Variants in TBL2 observed in about 807,000 individuals in gnomAD.
The protein encoded by TBL2 is transducin beta like 2, also known as transducin beta-like protein 2.
In TBL2, 33 loss-of-function variants were observed where a neutral mutation model predicts 41.8. The ratio of observed to expected loss-of-function variants is 0.79; its 90% CI spans 0.60 to 1.06. The LOEUF (loss-of-function observed/expected upper bound fraction) is 1.06. Among genes scored for constraint, TBL2 ranks in the 50% least tolerant of loss-of-function variants. The pLI is 0.00. For missense variants in TBL2, 522 were observed against 603.8 expected (o/e 0.86, Z 1.42); for synonymous variants, 239 against 241.7 (o/e 0.99, Z 0.10).
chr7:73,571,685 G>A (rs781943740), intron 5 of TBL2: 2 of 267,558 alleles, frequency 7.5e-6, no homozygotes, highest in Non-Finnish European at 7.4e-6. Context: ...GAACCTGGTA[G>A]GTGGAGGTTG....
At position 73,572,910 on chromosome 7, in the gene TBL2, T is replaced by C. The variant is rs1793056201; in HGVS notation, c.659A>G (p.Gln220Arg). Reference protein sequence around the residue: ...TTVLIWSLKGQVLSTINTNQM... With the variant: ...TTVLIWSLKGRVLSTINTNQM... ...GTTGGTGTTGATGGTAGACAGCACT[T>C]GACCCTTCAGGCTCCAGATGAGGAC... The change falls in exon 5 of 7, where the codon CAA becomes CGA. Residue 220 changes from glutamine (Q) to arginine (R), a missense_variant. Transcript: ENST00000305632. 1 of 1,614,046 alleles carries C rather than the reference T, an allele frequency of 6.2e-7. No individual in the cohort carries two copies. Among genetic ancestry groups the C allele is most frequent in the Non-Finnish European group, 8.5e-7 (1 of 1,180,036 alleles).
chr7:73,570,599 G>A lies in TBL2; in HGVS notation c.1252C>T (p.Arg418Trp), dbSNP rs374301480. ...TGGCGGGTGCTCTCGTTGGAGGCCC[G>A]CTTCAGGTGGCCCTGCATCTCCTCC... Reference protein sequence around the residue: ...MVEEMQGHLKRASNESTRQRL... With the variant: ...MVEEMQGHLKWASNESTRQRL... The change falls in exon 7 of 7, where the codon CGG (arginine) becomes TGG (tryptophan). Residue 418 changes from arginine (R) to tryptophan (W), a missense_variant. By Grantham distance (101) the Arg-to-Trp change is moderately radical. Transcript: ENST00000305632. The A allele has an allele frequency of 4.3e-5, 70 of 1,612,526 alleles. No individual in the cohort carries two copies. The highest frequency in any genetic ancestry group is 2.3e-4 in the African/African-American group (17 of 74,908).
intron 1 of TBL2, among the ~76,000 whole-genome samples, chr7:73,577,457 C>G (rs1487975270): frequency 6.6e-6 from 1 of 152,054 alleles, no homozygotes; most frequent in East Asian, 1.9e-4. Context: ...GCCTGTAGTC[C>G]CAGCTACTCG....
At chr7:73,576,492 G>A in intron 1 of TBL2, 1 of 397,120 alleles carries the variant, frequency 2.5e-6, no homozygotes. Flanking sequence ...CTTGAACCCA[G>A]GAGGTAGAGG....
rs556409016 is a variant in TBL2 at position 73,570,461 on chromosome 7, G to A, written c.*46C>T. On this transcript the variant is annotated 3_prime_UTR_variant, in exon 7 of 7. Transcript: ENST00000305632. ...AAAGATGGCAGCAGTGCCATGAGGA[G>A]GCCAGATCCCTCCTCCTCAATCCTC... 1 of 1,449,412 alleles carries A rather than the reference G, an allele frequency of 6.9e-7. No homozygotes were observed. Among genetic ancestry groups the A allele is most frequent in the African/African-American group, 1.4e-5 (1 of 70,048 alleles). The allele number at this position is 1,449,412 out of a possible 1,614,324, so 89.8% of individuals were successfully genotyped here.
chr7:73,578,052 G>A, intron 1 of TBL2: 1 of 545,264 alleles, frequency 1.8e-6, no homozygotes, highest in South Asian at 2.5e-5. Flanking sequence ...CCTATCACAG[G>A]GTCATAGATG....
At position 73,573,601 on chromosome 7, in the gene TBL2, C is replaced by G. The variant is rs113894293; in HGVS notation, c.447-130G>C. ...CCACAGTCTAGCCTTAAAACTTAAG[C>G]CCCTGGTTCCAAATCTCATAAAACT... On this transcript the variant is annotated intron_variant, in intron 3 of 6. Transcript: ENST00000305632. 7,390 of 1,241,072 alleles carry G rather than the reference C, an allele frequency of 6.0e-3. 334 individuals are homozygous for G. In the African/African-American group the frequency reaches 0.095, roughly 16 times the overall value. 76.9% of individuals were successfully genotyped at this position (1,241,072 alleles called of 1,614,324 possible).
Position 73,578,408 on chromosome 7 carries a change from G to A in TBL2, c.130+12C>T, listed in dbSNP as rs1453748787. 35 of 1,524,126 alleles carry A rather than the reference G, an allele frequency of 2.3e-5. 1 individual carries two copies. The East Asian group carries it at 8.5e-4, about 37-fold the overall frequency. The allele number at this position is 1,524,126 out of a possible 1,614,324, so 94.4% of individuals were successfully genotyped here. On this transcript the variant is annotated intron_variant, in intron 1 of 6. Coordinates refer to ENST00000305632, the MANE Select transcript of TBL2 (RefSeq NM_012453.4). ...ACCGCGGGCCGCCCCCACCCGACCC[G>A]GCCCCACTTACAGGCGGGCCGGCCG...
rs1025751572 is a variant in TBL2, at chr7:73,568,636, G to A, written c.*1871C>T. Among the ~76,000 whole-genome samples, 1 of 152,272 alleles carries A rather than the reference G, an allele frequency of 6.6e-6. No homozygotes were observed. The highest frequency in any genetic ancestry group is 1.9e-4 in the East Asian group (1 of 5,178). On this transcript the variant is annotated 3_prime_UTR_variant, in exon 7 of 7. Coordinates refer to ENST00000305632, the MANE Select transcript of TBL2 (RefSeq NM_012453.4). Reference sequence around the variant, plus strand: ...CCATGGTAAGAATTTTGGATTAAGTGTTTTTAGCTAGGCACGATGGCTCAC... The same window carrying A: ...CCATGGTAAGAATTTTGGATTAAGTATTTTTAGCTAGGCACGATGGCTCAC...
At position 73,574,065 on chromosome 7, in the gene TBL2, T is replaced by C. The variant is rs575377308; in HGVS notation, c.319A>G (p.Thr107Ala). ...CGGATGGTGCGATCATCTGCACAGG[T>C]AGCCAGGTATTTGCCATTGCTGCTA... ...DFSSNGKYLA[T>A]CADDRTIRIW... is the part of the protein sequence containing the mutation. Residue 107 changes from threonine to alanine, a missense_variant, in exon 3 of 7, where the codon ACC becomes GCC. Physicochemically the swap from Thr to Ala is moderately conservative, Grantham distance 58. Transcript: ENST00000305632. 5.3e-5 allele frequency: 85 copies of C among 1,614,172 alleles called. No homozygotes were observed. In the South Asian group the frequency reaches 8.7e-4, roughly 16 times the overall value.
chr7:73,577,304 A>AGT (rs1161576680), intron 1 of TBL2, among the ~76,000 whole-genome samples: 1 of 146,778 alleles, frequency 6.8e-6, no homozygotes, highest in Non-Finnish European at 1.5e-5. Flanking sequence ...GGCCGGGCAC[A>AGT]GTGGTTCACG....
At position 73,571,203 on chromosome 7, in the gene TBL2, G is replaced by A; in HGVS notation, c.864C>T (p.Ser288=). ...HSAAVHSFAF[S]NDSRRMASVS... ...GATTCACTCACCTCCGTGAGTCGTT[G>A]GAGAAAGCAAACGAGTGCACAGCCG... is the stretch of plus-strand genomic sequence containing the variant. The change falls in exon 6 of 7, where the codon TCC becomes TCT. Residue 288 remains serine, a synonymous_variant. Coordinates refer to ENST00000305632, the MANE Select transcript of TBL2 (RefSeq NM_012453.4). The A allele has an allele frequency of 1.2e-6, 2 of 1,614,230 alleles. No homozygotes were observed. Among genetic ancestry groups the A allele is most frequent in the Non-Finnish European group, 1.7e-6 (2 of 1,180,042 alleles).
intron 5 of TBL2, among the ~76,000 whole-genome samples, chr7:73,572,421 C>T (rs1554587808): frequency 6.6e-6 from 1 of 152,152 alleles, no homozygotes; most frequent in Non-Finnish European, 1.5e-5. Context: ...TGCACTCCTG[C>T]CTGGGCGAGG....
In TBL2 at chr7:73,573,358, T is replaced by C. The variant is rs2115962542; in HGVS notation, c.560A>G (p.His187Arg). 1 of 1,614,222 alleles carries C rather than the reference T, an allele frequency of 6.2e-7. No individual in the cohort carries two copies. Among genetic ancestry groups the C allele is most frequent in the Non-Finnish European group, 8.5e-7 (1 of 1,180,032 alleles). The change falls in exon 4 of 7, where the codon CAC becomes CGC. Residue 187 changes from histidine to arginine, a missense_variant. His to Arg is a conservative substitution (Grantham distance 29, BLOSUM62 0). Coordinates refer to ENST00000305632, the MANE Select transcript of TBL2 (RefSeq NM_012453.4). Reference sequence around the variant, plus strand: ...GCCAATGTCGATGACAGGCGCCTTGTGCTTTTTAGGGAAGTCCTCTGGGGT... The same window carrying C: ...GCCAATGTCGATGACAGGCGCCTTGCGCTTTTTAGGGAAGTCCTCTGGGGT... The part of the protein sequence containing the change: ...TATPEDFPKK[H>R]KAPVIDIGIA...
At chr7:73,578,254 GC>G in intron 1 of TBL2, 165 bp downstream of exon 1, 1 of 1,532,826 alleles carries the variant, frequency 6.5e-7, no homozygotes, top group Non-Finnish European at 8.7e-7. Flanking sequence ...ACCCGGCAAG[GC>G]GGGTCCCCGT....
chr7:73,576,770 T>A, intron 1 of TBL2: 1 of 454,482 alleles, frequency 2.2e-6, no homozygotes, highest in Non-Finnish European at 4.4e-6. Flanking sequence ...CAAGCCCCCC[T>A]CCTCACACTT....
chr7:73,578,358 C>A, intron 1 of TBL2, 62 bp downstream of exon 1: 7 of 1,529,962 alleles, frequency 4.6e-6, no homozygotes, highest in Non-Finnish European at 6.1e-6. Context: ...GCAGGTCGGA[C>A]CACGAGGAGG....
chr7:73,573,414 C>T lies in TBL2; in HGVS notation c.504G>A (p.Lys168=). ...GDTLRVFKMT[K]REDGGYTFTA... is the part of the protein sequence containing the mutation. ...TGAAGGTGTAGCCCCCATCCTCCCG[C>T]TTGGTCATCTTGAAGACACGGAGGG... The change falls in exon 4 of 7, where the codon AAG becomes AAA. Residue 168 remains lysine (K), a synonymous_variant. Coordinates refer to ENST00000305632, the MANE Select transcript of TBL2 (RefSeq NM_012453.4). The T allele has an allele frequency of 6.2e-7, 1 of 1,614,168 alleles. No individual in the cohort carries two copies.
rs1792759346 is a variant in TBL2, at chr7:73,568,966, T to G, written c.*1541A>C. ...CTATTTTTGGTTTAGAAAAATTCTT[T>G]TGGATTTTATTCCAAGTGTGATGGG... On this transcript the variant is annotated 3_prime_UTR_variant, in exon 7 of 7. Coordinates refer to ENST00000305632, the MANE Select transcript of TBL2 (RefSeq NM_012453.4). 6.6e-6 allele frequency: 1 copy of G among 152,212 alleles called. No individual in the cohort carries two copies. Among genetic ancestry groups the G allele is most frequent in the Non-Finnish European group, 1.5e-5 (1 of 68,036 alleles). The allele number at this position is 152,212 out of a possible 1,614,324, so 9.4% of individuals were successfully genotyped here.
Sources: allele counts gnomAD v4.1 joint callset (sites outside exome capture counted in the v4.1 genomes callset), GRCh38; gene constraint gnomAD v4.1.1; transcripts MANE v1.5; gene names NCBI Gene and HGNC (gene_info 2026-07-23, HGNC 2026-07-21).